The following EYS variants were observed in gnomAD, a reference collection of about 807,000 sequenced individuals.
EYS encodes the protein EGF-like photoreceptor maintenance factor, also known as protein eyes shut homolog.
In EYS, 250 loss-of-function variants were observed where a neutral mutation model predicts 282.1. The observed-to-expected ratio is 0.89, with a 90% CI of 0.80 to 0.98. The LOEUF is 0.98. EYS is among the 50% of genes least tolerant of loss of function. The pLI is 0.00. For missense variants in EYS, 4,016 were observed against 3,709.0 expected (o/e 1.08, Z -2.15); for synonymous variants, 1,355 against 1,282.9 (o/e 1.06, Z -1.20).
chr6:64,581,803 T>G (rs1276762909), intron 26 of EYS, among the ~76,000 whole-genome samples: 1 of 152,068 alleles, frequency 6.6e-6, no homozygotes, highest in Non-Finnish European at 1.5e-5. Flanking sequence ...TGGATAGATC[T>G]AAGGGCTTCA....
At chr6:64,072,272 T>A (rs371861618) in intron 32 of EYS, among the ~76,000 whole-genome samples, 3 of 152,114 alleles carry the variant, frequency 2.0e-5, no homozygotes, top group African/African-American at 7.2e-5. Context: ...TCTGGGTTTA[T>A]CACTTCTGAG....
At chr6:65,295,074 G>A (rs949766458) in intron 12 of EYS, among the ~76,000 whole-genome samples, 4 of 151,750 alleles carry the variant, frequency 2.6e-5, no homozygotes, top group Non-Finnish European at 5.9e-5. Context: ...TATTTTTCAT[G>A]TTACGATGAA....
chr6:64,655,962 A>T (rs1323839038), intron 22 of EYS, among the ~76,000 whole-genome samples: 1 of 152,132 alleles, frequency 6.6e-6, no homozygotes, highest in Admixed American at 6.6e-5. Flanking sequence ...TTCACCAAAA[A>T]ATACATGTGA....
chr6:64,837,571 A>G (rs982010780), intron 19 of EYS, among the ~76,000 whole-genome samples: 2 of 149,138 alleles, frequency 1.3e-5, no homozygotes, highest in South Asian at 2.1e-4. Context: ...GATGACATAT[A>G]TATATAATGA....
intron 1 of EYS, among the ~76,000 whole-genome samples, chr6:65,646,016 G>A (rs960308935): frequency 2.0e-5 from 3 of 151,960 alleles, no homozygotes; most frequent in African/African-American, 7.2e-5. Context: ...AACAAGCAGC[G>A]AGATTGAAAT....
intron 36 of EYS, among the ~76,000 whole-genome samples, chr6:63,849,378 G>T (rs188675930): frequency 6.6e-6 from 1 of 152,180 alleles, no homozygotes; most frequent in Non-Finnish European, 1.5e-5. Flanking sequence ...CCTGAACCTC[G>T]TGGGTCCTGA....
Position 63,788,363 on chromosome 6 carries a change from G to A in EYS, c.7579-114C>T. On this transcript the variant is annotated intron_variant, in intron 38 of 42. Coordinates refer to ENST00000503581, the MANE Select transcript of EYS (RefSeq NM_001142800.2). ...TGGCATGAAAAATTTACAAAGACCT[G>A]AATTTTGAAGAAATAACATGATACC... The A allele has an allele frequency of 7.7e-6, 6 of 774,980 alleles. No homozygotes were observed. In the South Asian group the frequency reaches 9.1e-5, roughly 12 times the overall value. The allele number at this position is 774,980 out of a possible 1,614,324, so 48.0% of individuals were successfully genotyped here. A position where few individuals can be genotyped will look rare whatever the true frequency, so the allele number is the denominator to read the frequency against.
intron 1 of EYS, among the ~76,000 whole-genome samples, chr6:65,655,648 TG>T (rs1767794748): frequency 6.6e-6 from 1 of 151,814 alleles, no homozygotes; most frequent in Non-Finnish European, 1.5e-5. Flanking sequence ...TGATGCTGTG[TG>T]TTTTTTTATT....
At chr6:65,228,819 CT>C (rs898286376) in intron 12 of EYS, among the ~76,000 whole-genome samples, 12 of 152,016 alleles carry the variant, frequency 7.9e-5, no homozygotes, top group African/African-American at 2.9e-4. Flanking sequence ...GAAAGACACA[CT>C]TGTTAATGAC....
At chr6:64,463,116 AT>A (rs1469381697) in intron 26 of EYS, among the ~76,000 whole-genome samples, 3 of 151,384 alleles carry the variant, frequency 2.0e-5, no homozygotes, top group African/African-American at 7.3e-5. Context: ...CCGGCTATTT[AT>A]TTTTTGGATT....
intron 13 of EYS, among the ~76,000 whole-genome samples, chr6:65,053,016 A>T (rs141069632): frequency 6.6e-6 from 1 of 151,932 alleles, no homozygotes; most frequent in East Asian, 1.9e-4. Flanking sequence ...TTTTTGGAGG[A>T]TCTGTAATTT....
At chr6:65,438,553 C>G (rs572916895) in intron 5 of EYS, among the ~76,000 whole-genome samples, 1 of 152,266 alleles carries the variant, frequency 6.6e-6, no homozygotes, top group South Asian at 2.1e-4. Context: ...GCCATTCTAA[C>G]TGGTGTGAGA....
chr6:64,198,997 T>C (rs970567216), intron 31 of EYS, among the ~76,000 whole-genome samples: 4 of 152,226 alleles, frequency 2.6e-5, no homozygotes, highest in African/African-American at 4.8e-5. Context: ...TGTTGTTTCC[T>C]GACTTTTTAA....
At chr6:64,692,977 C>CTTTTTTTT (rs67700846) in intron 22 of EYS, among the ~76,000 whole-genome samples, 1,742 of 11,488 alleles carry the variant, frequency 0.15, 662 homozygotes, top group Non-Finnish European at 0.22. Context: ...GCTGCTTGGG[C>CTTTTTTTT]TTTTTTTTTT....
At chr6:65,040,895 T>G (rs763273981) in intron 13 of EYS, among the ~76,000 whole-genome samples, 6 of 151,686 alleles carry the variant, frequency 4.0e-5, no homozygotes, top group Non-Finnish European at 5.9e-5. Flanking sequence ...CTGGCCACAA[T>G]AACTAAGATG....
chr6:65,048,352 G>A (rs1410553668), intron 13 of EYS, among the ~76,000 whole-genome samples: 3 of 151,838 alleles, frequency 2.0e-5, no homozygotes, highest in African/African-American at 7.2e-5. Flanking sequence ...TTTAGTAATA[G>A]TTCTCTGGAC....
chr6:65,472,540 T>C (rs1378216297), intron 5 of EYS, among the ~76,000 whole-genome samples: 1 of 152,010 alleles, frequency 6.6e-6, no homozygotes, highest in East Asian at 1.9e-4. Context: ...CAACTCTTCA[T>C]TATGACTTAC....
At chr6:64,537,333 G>C (rs1198487077) in intron 26 of EYS, among the ~76,000 whole-genome samples, 3 of 151,276 alleles carry the variant, frequency 2.0e-5, no homozygotes, top group Non-Finnish European at 1.5e-5. Context: ...CAAAGGACAT[G>C]AACTCATCAT....
intron 5 of EYS, among the ~76,000 whole-genome samples, chr6:65,436,846 T>G (rs944715005): frequency 6.6e-6 from 1 of 152,232 alleles, no homozygotes; most frequent in Admixed American, 6.5e-5. Flanking sequence ...AATATTTTAT[T>G]TAAAGAAACC....
Sources: allele counts gnomAD v4.1 joint callset (sites outside exome capture counted in the v4.1 genomes callset), GRCh38; gene constraint gnomAD v4.1.1; transcripts MANE v1.5; gene names NCBI Gene and HGNC (gene_info 2026-07-23, HGNC 2026-07-21).